The following PRSS23 variants were observed in gnomAD, a reference collection of about 807,000 sequenced individuals.
PRSS23 encodes the protein serine protease 23.
A neutral mutation model predicts 34.7 loss-of-function variants in PRSS23; 25 were observed. The observed-to-expected ratio is 0.72, with a 90% CI of 0.53 to 1.01. The LOEUF (loss-of-function observed/expected upper bound fraction) is 1.01, where lower values mean the gene tolerates loss of function less well. Among genes scored for constraint, PRSS23 ranks in the 50% least tolerant of loss-of-function variants. PRSS23 has a pLI of 0.00. For synonymous variants in PRSS23, 176 were observed against 186.6 expected (o/e 0.94, Z 0.46); for missense variants, 445 against 475.6 (o/e 0.94, Z 0.60).
chr11:86,916,711 GT>G (rs1046126632), intron 2 of PRSS23, among the ~76,000 whole-genome samples: 5 of 152,132 alleles, frequency 3.3e-5, no homozygotes, highest in Admixed American at 3.3e-4. Context: ...AATCCACACT[GT>G]TCCAACAGAC....
intron 2 of PRSS23, among the ~76,000 whole-genome samples, chr11:86,927,147 C>T (rs2135010407): frequency 6.6e-6 from 1 of 152,274 alleles, no homozygotes; most frequent in Middle Eastern, 3.4e-3. Context: ...TCAGCTTTGC[C>T]AGGGGCCTGG....
At chr11:86,937,297 G>T (rs956949829) in intron 2 of PRSS23, 2 of 152,196 alleles carry the variant, frequency 1.3e-5, no homozygotes, top group African/African-American at 4.8e-5. Flanking sequence ...TTCAATTGTA[G>T]ACTCTCTGCC....
At chr11:86,901,466 G>T (rs1447518867) in intron 2 of PRSS23, among the ~76,000 whole-genome samples, 2 of 152,116 alleles carry the variant, frequency 1.3e-5, no homozygotes, top group Admixed American at 1.3e-4. Context: ...ATTATTAAAA[G>T]TGCCTGAAAC....
intron 2 of PRSS23, among the ~76,000 whole-genome samples, chr11:86,846,229 T>C (rs1408366785): frequency 6.6e-6 from 1 of 151,898 alleles, no homozygotes; most frequent in African/African-American, 2.4e-5. Context: ...GAACCTTAGG[T>C]GTTACATTTT....
chr11:86,841,350 AAAG>A (rs1454063771), intron 2 of PRSS23, among the ~76,000 whole-genome samples: 1 of 132,816 alleles, frequency 7.5e-6, no homozygotes, highest in Non-Finnish European at 1.6e-5. Context: ...AAAAAAAAAA[AAAG>A]AAGAAGAAAA....
At chr11:86,895,477 CTTT>C (rs71040269) in intron 2 of PRSS23, among the ~76,000 whole-genome samples, 2 of 86,634 alleles carry the variant, frequency 2.3e-5, no homozygotes, top group Non-Finnish European at 4.1e-5. Context: ...TTATTTTATC[CTTT>C]TTTTTTTTTT....
At chr11:86,857,873 C>T in intron 2 of PRSS23, 1 of 511,140 alleles carries the variant, frequency 2.0e-6, no homozygotes. Flanking sequence ...GAGCTGCCAG[C>T]CAGGATGATG....
downstream of PRSS23, among the ~76,000 whole-genome samples, chr11:86,811,966 T>C (rs930274897): frequency 6.6e-6 from 1 of 152,220 alleles, no homozygotes; most frequent in Non-Finnish European, 1.5e-5. Flanking sequence ...CTGCTGTTCA[T>C]GTCTGCACTT....
At position 86,808,291 on chromosome 11, in the gene PRSS23, G is replaced by C. The variant is rs1213377182; in HGVS notation, c.648G>C (p.Gln216His). The change falls in exon 2 of 2, where the codon CAG becomes CAC. Residue 216 changes from glutamine (Q) to histidine (H), a missense_variant. By Grantham distance (24) the Gln-to-His change is conservative (BLOSUM62 0). Coordinates refer to ENST00000280258, the MANE Select transcript of PRSS23 (RefSeq NM_007173.6). ...ACTCCACTTCAGCCATGCCCGAGCAGATGAAATTTCAGTGGATCCGGGTGA... is the reference window on the plus strand; with the variant it reads ...ACTCCACTTCAGCCATGCCCGAGCACATGAAATTTCAGTGGATCCGGGTGA... ...ANDSTSAMPE[Q>H]MKFQWIRVKR... 4 of 1,614,140 alleles carry C rather than the reference G, an allele frequency of 2.5e-6. No homozygotes were observed. The highest frequency in any genetic ancestry group is 3.4e-6 in the Non-Finnish European group (4 of 1,180,040).
At chr11:86,861,486 C>A (rs957949340) in intron 2 of PRSS23, among the ~76,000 whole-genome samples, 1 of 151,774 alleles carries the variant, frequency 6.6e-6, no homozygotes, top group African/African-American at 2.4e-5. Flanking sequence ...GATATAATTC[C>A]CTATATCGCA....
chr11:86,839,768 C>T (rs1003859405), intron 2 of PRSS23, among the ~76,000 whole-genome samples: 1 of 151,216 alleles, frequency 6.6e-6, no homozygotes, highest in East Asian at 1.9e-4. Context: ...AGAAACCCTA[C>T]AAGCCAGAAG....
chr11:86,808,711 C>T lies in PRSS23; in HGVS notation c.1068C>T (p.Asn356=), dbSNP rs937645974. 1.3e-5 allele frequency: 21 copies of T among 1,614,006 alleles called. No individual in the cohort carries two copies. The highest frequency in any genetic ancestry group is 3.3e-5 in the Admixed American group (2 of 60,000). Reference sequence around the variant, plus strand: ...TGAATGGTTCCCCACAGGATTTCAACGTGGCTGTCAGAATCACTCCTCTCA... The same window carrying T: ...TGAATGGTTCCCCACAGGATTTCAATGTGGCTGTCAGAATCACTCCTCTCA... The part of the protein sequence containing the change: ...VDMNGSPQDF[N]VAVRITPLKY... The change falls in exon 2 of 2, where the codon AAC becomes AAT. Residue 356 remains asparagine, a synonymous_variant. Transcript: ENST00000280258.
intron 2 of PRSS23, chr11:86,921,900 A>G (rs1040108913): frequency 6.6e-6 from 1 of 152,238 alleles, no homozygotes; most frequent in African/African-American, 2.4e-5. Context: ...ACTCCTGGCA[A>G]AGGGAAGCAA....
At chr11:86,846,920 A>G (rs1017425652) in intron 2 of PRSS23, among the ~76,000 whole-genome samples, 2 of 152,352 alleles carry the variant, frequency 1.3e-5, no homozygotes, top group East Asian at 3.9e-4. Flanking sequence ...TGTGGATAGT[A>G]GAAGCCTTAG....
At chr11:86,895,209 G>A (rs1266071938) in intron 2 of PRSS23, among the ~76,000 whole-genome samples, 2 of 152,176 alleles carry the variant, frequency 1.3e-5, no homozygotes, top group South Asian at 2.1e-4. Context: ...TAGAAAGTGA[G>A]ACAAATTTTG....
At chr11:86,879,217 G>C (rs1483569385) in intron 2 of PRSS23, among the ~76,000 whole-genome samples, 1 of 148,028 alleles carries the variant, frequency 6.8e-6, no homozygotes, top group Non-Finnish European at 1.5e-5. Flanking sequence ...GAGATGTGGG[G>C]AGCGCCTCTG....
At chr11:86,888,117 T>TA (rs35019573) in intron 2 of PRSS23, among the ~76,000 whole-genome samples, 1,825 of 98,652 alleles carry the variant, frequency 0.018, 31 homozygotes, top group African/African-American at 0.058. Flanking sequence ...TGGTTTTTTT[T>TA]AAAAAAAAAC....
At chr11:86,951,910 A>G (rs748812870) in exon 3 of PRSS23, 1 of 1,613,882 alleles carries the variant, frequency 6.2e-7, no homozygotes, top group South Asian at 1.1e-5. Flanking sequence ...CTTCAAAATC[A>G]CAGGATATCC....
chr11:86,838,206 A>G (rs1948421404), intron 2 of PRSS23, among the ~76,000 whole-genome samples: 1 of 152,082 alleles, frequency 6.6e-6, no homozygotes, highest in Non-Finnish European at 1.5e-5. Flanking sequence ...ACAACAATCA[A>G]CCATCACCAG....
Sources: allele counts gnomAD v4.1 joint callset (sites outside exome capture counted in the v4.1 genomes callset), GRCh38; gene constraint gnomAD v4.1.1; transcripts MANE v1.5; gene names NCBI Gene and HGNC (gene_info 2026-07-23, HGNC 2026-07-21).